The following TCF12 variants were observed in gnomAD, a reference collection of about 807,000 sequenced individuals.
TCF12 encodes the protein DNA-binding protein HTF4.
In TCF12, 45 loss-of-function variants were observed where a neutral mutation model predicts 86.0. The ratio of observed to expected loss-of-function variants is 0.52; its 90% CI spans 0.41 to 0.67. The LOEUF is 0.67. Ranked by LOEUF, TCF12 falls within the 30% of genes least tolerant of loss-of-function variation. The probability of loss-of-function intolerance (pLI) is 0.00; values close to 1 mark genes in which losing one functional copy is unlikely to be tolerated. For synonymous variants in TCF12, 330 were observed against 299.6 expected (o/e 1.10, Z -1.05); for missense variants, 881 against 859.9 (o/e 1.02, Z -0.31).
intron 3 of TCF12, among the ~76,000 whole-genome samples, chr15:57,035,938 C>G (rs1013212527): frequency 1.3e-5 from 2 of 152,172 alleles, no homozygotes; most frequent in Admixed American, 6.5e-5. Context: ...AGGAACCAAA[C>G]CCTATTGTGA....
intron 3 of TCF12, among the ~76,000 whole-genome samples, chr15:56,931,926 A>G (rs1378239674): frequency 6.6e-6 from 1 of 152,212 alleles, no homozygotes; most frequent in African/African-American, 2.4e-5. Flanking sequence ...CCATGATACA[A>G]TGTTGAATAA....
intron 6 of TCF12, among the ~76,000 whole-genome samples, chr15:57,186,705 T>A (rs1454513575): frequency 1.3e-5 from 2 of 152,172 alleles, no homozygotes; most frequent in Non-Finnish European, 2.9e-5. Flanking sequence ...AAAAGTCCTC[T>A]ACAAAAATAC....
rs553275088 is a variant in TCF12, at chr15:57,134,142, C to T, written c.326-32260C>T. ...TAAAAGATTCTATAGTTATATTGGG[C>T]GGTCTTGTTTGATATTTCTTAATCT... On this transcript the variant is annotated intron_variant, in intron 5 of 20. Coordinates refer to ENST00000333725, the MANE Select transcript of TCF12 (RefSeq NM_207037.2). Among the ~76,000 whole-genome samples, 8 of 152,128 alleles carry T rather than the reference C, an allele frequency of 5.3e-5. No individual in the cohort carries two copies. In the East Asian group the frequency reaches 7.7e-4, roughly 15 times the overall value.
chr15:57,276,966 A>G (rs550464164), intron 19 of TCF12, among the ~76,000 whole-genome samples: 1 of 151,744 alleles, frequency 6.6e-6, no homozygotes, highest in Non-Finnish European at 1.5e-5. Context: ...CACCATGCCC[A>G]GTTAATTTTT....
At chr15:56,977,928 A>G (rs1349961089) in intron 3 of TCF12, among the ~76,000 whole-genome samples, 2 of 152,136 alleles carry the variant, frequency 1.3e-5, no homozygotes, top group Admixed American at 6.5e-5. Context: ...CAGAATTTGC[A>G]TTTCTAACAG....
chr15:56,972,327 A>G (rs1262730135), intron 3 of TCF12, among the ~76,000 whole-genome samples: 2 of 152,256 alleles, frequency 1.3e-5, no homozygotes, highest in East Asian at 1.9e-4. Flanking sequence ...CAGCAATAAA[A>G]TAATATGTAT....
intron 4 of TCF12, among the ~76,000 whole-genome samples, chr15:57,083,408 A>G (rs2593228): frequency 0.026 from 3,913 of 150,158 alleles, 168 homozygotes; most frequent in African/African-American, 0.09. Flanking sequence ...CGTTTCTACA[A>G]TGGGTATATG....
intron 5 of TCF12, among the ~76,000 whole-genome samples, chr15:57,128,272 T>G (rs1477865889): frequency 6.6e-6 from 1 of 152,196 alleles, no homozygotes; most frequent in Non-Finnish European, 1.5e-5. Context: ...GAGAAACAGG[T>G]AGCTTTATTA....
At chr15:57,169,429 C>T (rs1263763499) in intron 6 of TCF12, among the ~76,000 whole-genome samples, 1 of 151,960 alleles carries the variant, frequency 6.6e-6, no homozygotes, top group Non-Finnish European at 1.5e-5. Flanking sequence ...GTGAAGAGAC[C>T]TAGGTTCAAG....
At position 57,192,179 on chromosome 15, in the gene TCF12, C is replaced by G. The variant is rs758760641; in HGVS notation, c.412C>G (p.Leu138Val). Residue 138 changes from leucine (L) to valine (V), a missense_variant, in exon 7 of 21, where the codon CTG becomes GTG. Coordinates refer to ENST00000333725, the MANE Select transcript of TCF12 (RefSeq NM_207037.2). ...GCQSSLLRQD[L>V]GLGSPAQLSS... is the part of the protein sequence containing the mutation. ...ATAGTCTAGTCTCCTGAGACAAGAT[C>G]TGGGGCTTGGGAGCCCAGCACAGCT... The G allele has an allele frequency of 6.2e-7, 1 of 1,613,994 alleles. No individual in the cohort carries two copies. Among genetic ancestry groups the G allele is most frequent in the South Asian group, 1.1e-5 (1 of 91,080 alleles).
intron 5 of TCF12, among the ~76,000 whole-genome samples, chr15:57,098,289 T>A (rs1334882961): frequency 1.3e-5 from 2 of 152,222 alleles, no homozygotes; most frequent in Non-Finnish European, 2.9e-5. Flanking sequence ...GCTTTTTTCC[T>A]CTTTTTAACT....
intron 4 of TCF12, among the ~76,000 whole-genome samples, chr15:57,064,029 G>A (rs538048987): frequency 2.1e-3 from 320 of 152,164 alleles, no homozygotes; most frequent in African/African-American, 7.4e-3. Context: ...AAATATTCTT[G>A]GTGTTACTTG....
At chr15:57,069,614 G>A (rs2069191258) in intron 4 of TCF12, among the ~76,000 whole-genome samples, 1 of 152,164 alleles carries the variant, frequency 6.6e-6, no homozygotes, top group Admixed American at 6.5e-5. Flanking sequence ...ATTTGACCAG[G>A]TGTAGATTTG....
At chr15:56,956,031 T>C (rs557137665) in intron 3 of TCF12, among the ~76,000 whole-genome samples, 9 of 152,252 alleles carry the variant, frequency 5.9e-5, no homozygotes, top group African/African-American at 2.2e-4. Context: ...CATTGTGTGA[T>C]GTTTATATAT....
intron 19 of TCF12, chr15:57,282,238 A>T: frequency 1.6e-6 from 1 of 606,854 alleles, no homozygotes. Flanking sequence ...ATAAGCAAAA[A>T]ATGAAGAAAA....
Position 57,232,922 on chromosome 15 carries a change from A to T in TCF12, c.970+66A>T, listed in dbSNP as rs567580506. The stretch of plus-strand genomic sequence containing the variant: ...GACTTTCAGTGACCCCGATATCTTT[A>T]TATATATATATGTATGTTTTATATA... On this transcript the variant is annotated intron_variant, in intron 11 of 20. Coordinates refer to ENST00000333725, the MANE Select transcript of TCF12 (RefSeq NM_207037.2). 19 of 1,054,094 alleles carry T rather than the reference A, an allele frequency of 1.8e-5. No homozygotes were observed. The East Asian group carries it at 4.6e-4, about 26-fold the overall frequency. The allele number at this position is 1,054,094 out of a possible 1,614,324, so 65.3% of individuals were successfully genotyped here.
chr15:57,213,596 A>G (rs368761333), intron 8 of TCF12, among the ~76,000 whole-genome samples: 1 of 152,220 alleles, frequency 6.6e-6, no homozygotes, highest in Non-Finnish European at 1.5e-5. Flanking sequence ...CTTTTAAAAA[A>G]TGAATTTAAA....
intron 4 of TCF12, among the ~76,000 whole-genome samples, chr15:57,070,877 T>C (rs781340492): frequency 3.2e-4 from 48 of 152,240 alleles, no homozygotes; most frequent in Non-Finnish European, 5.1e-4. Context: ...GCAGATGCCT[T>C]AAGAGTGTAT....
At chr15:57,165,072 A>G (rs1406169234) in intron 5 of TCF12, among the ~76,000 whole-genome samples, 1 of 151,760 alleles carries the variant, frequency 6.6e-6, no homozygotes, top group Admixed American at 6.6e-5. Context: ...ATAAAGCTGA[A>G]AGTTCGCATC....
Sources: gnomAD v4.1 joint callset for allele counts (sites outside exome capture counted in the v4.1 genomes callset) on GRCh38, gnomAD v4.1.1 for gene constraint, MANE v1.5 for transcripts, NCBI Gene and HGNC (gene_info 2026-07-23, HGNC 2026-07-21) for gene names.